The following SDCCAG8 variants were observed in gnomAD, a reference collection of about 807,000 sequenced individuals.
SDCCAG8 encodes the protein SHH signaling and ciliogenesis regulator SDCCAG8.
In SDCCAG8, 74 loss-of-function variants were observed where a neutral mutation model predicts 101.8. That is an observed-to-expected ratio of 0.73 (90% confidence interval 0.60 to 0.88). The LOEUF is 0.88. Ranked by LOEUF, SDCCAG8 falls within the 40% of genes least tolerant of loss-of-function variation. The probability of loss-of-function intolerance (pLI) is 0.00; values close to 1 mark genes in which losing one functional copy is unlikely to be tolerated. For synonymous variants in SDCCAG8, 281 were observed against 292.9 expected, an observed-to-expected ratio of 0.96 and a Z score of 0.41; for missense variants, 787 against 822.6, an observed-to-expected ratio of 0.96 and a Z score of 0.53.
intron 13 of SDCCAG8, among the ~76,000 whole-genome samples, chr1:243,396,203 A>C (rs367907293): frequency 6.6e-6 from 1 of 152,172 alleles, no homozygotes; most frequent in South Asian, 2.1e-4. Context: ...ATGAAGGGAG[A>C]GTAAATACTT....
intron 1 of SDCCAG8, among the ~76,000 whole-genome samples, chr1:243,261,588 C>A (rs1451489463): frequency 1.3e-5 from 2 of 152,162 alleles, no homozygotes; most frequent in African/African-American, 4.8e-5. Context: ...GTCTTACTAG[C>A]CAACAATTTG....
intron 1 of SDCCAG8, 85 bp from the exon 2 acceptor site, chr1:243,270,020 C>A (rs568372411): frequency 6.3e-7 from 1 of 1,581,200 alleles, no homozygotes; most frequent in African/African-American, 1.3e-5. Context: ...AATGATTTCA[C>A]CTTTAAAAAC....
At chr1:243,414,732 A>G (rs543710658) in intron 13 of SDCCAG8, among the ~76,000 whole-genome samples, 2 of 152,208 alleles carry the variant, frequency 1.3e-5, no homozygotes, top group African/African-American at 2.4e-5. Flanking sequence ...CTAAAGCAGC[A>G]TGGATGAGAA....
At chr1:243,318,219 C>T (rs548783682) in intron 9 of SDCCAG8, among the ~76,000 whole-genome samples, 42 of 152,246 alleles carry the variant, frequency 2.8e-4, no homozygotes, top group Middle Eastern at 6.8e-3. Context: ...TGCATGGAGC[C>T]GGAGACAGTT....
chr1:243,378,570 A>C, intron 12 of SDCCAG8, 151 bp from the exon 13 acceptor site: 1 of 761,192 alleles, frequency 1.3e-6, no homozygotes, highest in Non-Finnish European at 2.2e-6. Context: ...TGGATGTGCT[A>C]ATTCCTTTTG....
At chr1:243,285,132 C>T (rs964849943) in intron 4 of SDCCAG8, among the ~76,000 whole-genome samples, 1 of 152,196 alleles carries the variant, frequency 6.6e-6, no homozygotes, top group Non-Finnish European at 1.5e-5. Context: ...CTGCCCACCT[C>T]AGCCTCAAAA....
At chr1:243,342,021 C>T (rs940957361) in intron 11 of SDCCAG8, among the ~76,000 whole-genome samples, 5 of 152,146 alleles carry the variant, frequency 3.3e-5, no homozygotes, top group East Asian at 1.9e-4. Flanking sequence ...TTAATTTTAA[C>T]ATGTATTAGG....
In SDCCAG8 at chr1:243,288,164, G is replaced by C. The variant is rs140722201; in HGVS notation, c.546+1767G>C. 3.2e-4 allele frequency among the ~76,000 whole-genome samples: 48 copies of C among 152,224 alleles called. No homozygotes were observed. The East Asian group carries it at 8.9e-3, about 28-fold the overall frequency. ...TTACCCCCACGTTTTACCTGTGTAA[G>C]TGAATTGAAATATTTCAAGGCCAGA... On this transcript the variant is annotated intron_variant, in intron 5 of 17. Transcript: ENST00000366541.
intron 6 of SDCCAG8, among the ~76,000 whole-genome samples, chr1:243,295,313 C>T (rs1410742314): frequency 1.3e-5 from 2 of 152,152 alleles, no homozygotes; most frequent in East Asian, 3.9e-4. Flanking sequence ...TCTCAGCTCA[C>T]CACAACCTCA....
At chr1:243,387,127 A>T (rs1256389464) in intron 13 of SDCCAG8, among the ~76,000 whole-genome samples, 1 of 152,202 alleles carries the variant, frequency 6.6e-6, no homozygotes, top group Non-Finnish European at 1.5e-5. Flanking sequence ...TATGACTACC[A>T]TTTATACACA....
chr1:243,319,381 T>G (rs2073554505), intron 9 of SDCCAG8, among the ~76,000 whole-genome samples: 1 of 152,170 alleles, frequency 6.6e-6, no homozygotes, highest in Non-Finnish European at 1.5e-5. Context: ...ATTTTTATTA[T>G]CATTTTTTTG....
chr1:243,433,141 G>T (rs1195908359), intron 16 of SDCCAG8, among the ~76,000 whole-genome samples: 1 of 152,120 alleles, frequency 6.6e-6, no homozygotes, highest in Non-Finnish European at 1.5e-5. Flanking sequence ...TGGATACGGT[G>T]CTGGAAAGGT....
At chr1:243,390,223 T>C (rs913355888) in intron 13 of SDCCAG8, among the ~76,000 whole-genome samples, 32 of 152,222 alleles carry the variant, frequency 2.1e-4, no homozygotes, top group African/African-American at 7.5e-4. Flanking sequence ...CATTTTTTTC[T>C]TGTACTCCTT....
intron 4 of SDCCAG8, among the ~76,000 whole-genome samples, chr1:243,281,715 C>G (rs556933732): frequency 4.4e-4 from 64 of 144,612 alleles, no homozygotes; most frequent in African/African-American, 1.6e-3. Flanking sequence ...GTAATCAAAG[C>G]TCACTACAGC....
intron 11 of SDCCAG8, among the ~76,000 whole-genome samples, chr1:243,342,095 C>G (rs1440953444): frequency 6.6e-6 from 1 of 152,086 alleles, no homozygotes; most frequent in Non-Finnish European, 1.5e-5. Context: ...TTAAAAATTC[C>G]TATTAGCTAA....
intron 12 of SDCCAG8, among the ~76,000 whole-genome samples, chr1:243,349,976 TC>T (rs2075992163): frequency 6.6e-6 from 1 of 152,082 alleles, no homozygotes; most frequent in Admixed American, 6.6e-5. Context: ...AAGAAATAGA[TC>T]CAAAAATTTT....
Position 243,458,767 on chromosome 1 carries a change from A to G in SDCCAG8, c.1986-30247A>G, listed in dbSNP as rs10927023. On this transcript the variant is annotated intron_variant, in intron 16 of 17. Transcript: ENST00000366541. The surrounding 1 kb of genome is among the most constrained non-coding windows in gnomAD (Gnocchi z 4.5). ...AAAATTTTTAGAAGCGCTTCCTGTGATTCCAGTCAGATATGGCATTGTTTT... is the reference window on the plus strand; with the variant it reads ...AAAATTTTTAGAAGCGCTTCCTGTGGTTCCAGTCAGATATGGCATTGTTTT... Among the ~76,000 whole-genome samples the G allele has an allele frequency of 1.2e-3, 180 of 152,288 alleles. 1 individual carries two copies. The highest frequency in any genetic ancestry group is 4.1e-3 in the African/African-American group (172 of 41,572).
intron 13 of SDCCAG8, among the ~76,000 whole-genome samples, chr1:243,395,165 A>G (rs2078965139): frequency 6.6e-6 from 1 of 152,226 alleles, no homozygotes; most frequent in South Asian, 2.1e-4. Flanking sequence ...ATTATCCAAA[A>G]GAAGGCTACT....
intron 16 of SDCCAG8, among the ~76,000 whole-genome samples, chr1:243,471,671 A>T (rs536834909): frequency 6.6e-6 from 1 of 152,236 alleles, no homozygotes; most frequent in South Asian, 2.1e-4. Flanking sequence ...GCCTCAGGAG[A>T]TGGAAAATCT....
Sources: gnomAD v4.1 joint callset for allele counts (sites outside exome capture counted in the v4.1 genomes callset) on GRCh38, gnomAD v4.1.1 for gene constraint, Gnocchi (gnomAD v3.1) non-coding constraint, MANE v1.5 for transcripts, NCBI Gene and HGNC (gene_info 2026-07-23, HGNC 2026-07-21) for gene names.